DCTD: variants seen among roughly 807,000 people sequenced by gnomAD.
DCTD encodes the protein deoxycytidylate deaminase.
A neutral mutation model predicts 21.0 loss-of-function variants in DCTD; 23 were observed. The observed-to-expected ratio is 1.09, with a 90% CI of 0.79 to 1.55. DCTD has a LOEUF of 1.55. Among genes scored for constraint, DCTD ranks in the 40% most tolerant of loss-of-function variants. The probability of loss-of-function intolerance (pLI) is 0.00; values close to 1 mark genes in which losing one functional copy is unlikely to be tolerated. For synonymous variants in DCTD, 71 were observed against 81.1 expected, an observed-to-expected ratio of 0.88 and a Z score of 0.67; for missense variants, 224 against 230.0, an observed-to-expected ratio of 0.97 and a Z score of 0.17.
chr4:182,914,652 C>T (rs556296813), intron 3 of DCTD, among the ~76,000 whole-genome samples: 1 of 152,220 alleles, frequency 6.6e-6, no homozygotes, highest in Non-Finnish European at 1.5e-5. Flanking sequence ...GTGGTGCAGG[C>T]CAGCAGGTTG....
At chr4:182,897,636 A>G (rs2152856325) in intron 3 of DCTD, among the ~76,000 whole-genome samples, 1 of 152,288 alleles carries the variant, frequency 6.6e-6, no homozygotes, top group East Asian at 1.9e-4. Context: ...GACACTGACA[A>G]GCAGGAAACT....
chr4:182,917,109 G>A lies in DCTD; in HGVS notation c.-8+202C>T, dbSNP rs541432988. The A allele has an allele frequency of 3.0e-6, 3 of 987,568 alleles. No individual in the cohort carries two copies. The African/African-American group carries it at 5.2e-5, about 17-fold the overall frequency. The allele number at this position is 987,568 out of a possible 1,614,324, so 61.2% of individuals were successfully genotyped here. A position where few individuals can be genotyped will look rare whatever the true frequency, so the allele number is the denominator to read the frequency against. On this transcript the variant is annotated intron_variant, in intron 1 of 5. Transcript: ENST00000438320. This position sits in a 1 kb window ranked among gnomAD's most constrained non-coding sequence, Gnocchi z 4.9. ...CGCCCGCCGAGAAATCGACCCTGGA[G>A]TGACTGCGGGGACCCCGAGCGCCCC...
rs114636009 is a variant in DCTD at position 182,900,415 on chromosome 4, T to C, written c.245-5810A>G. ...TATTTGACAGCAATAAATGAAGGAA[T>C]AAATTTACCTTTCCCTAGAGTGCAC... On this transcript the variant is annotated intron_variant, in intron 3 of 5. Transcript: ENST00000438320. 9.7e-3 allele frequency among the ~76,000 whole-genome samples: 1,474 copies of C among 152,256 alleles called. 18 individuals carry two copies. The highest frequency in any genetic ancestry group is 0.034 in the African/African-American group (1,414 of 41,534).
chr4:182,905,776 G>A (rs1736598940), intron 3 of DCTD, among the ~76,000 whole-genome samples: 2 of 152,192 alleles, frequency 1.3e-5, no homozygotes, highest in South Asian at 4.2e-4. Context: ...ACAGCCAGTC[G>A]GGACTAATCC....
At chr4:182,900,861 T>G (rs200906336) in intron 3 of DCTD, among the ~76,000 whole-genome samples, 27,439 of 138,036 alleles carry the variant, frequency 0.2, 2,841 homozygotes, top group Non-Finnish European at 0.26. Flanking sequence ...TGCTTTGGTT[T>G]TTTTTTTTTT....
chr4:182,917,325 T>C lies in DCTD; in HGVS notation c.-22A>G. 5 of 1,091,472 alleles carry C rather than the reference T, an allele frequency of 4.6e-6. No individual in the cohort carries two copies. The highest frequency in any genetic ancestry group is 5.6e-6 in the Non-Finnish European group (5 of 899,304). The allele number at this position is 1,091,472 out of a possible 1,614,324, so 67.6% of individuals were successfully genotyped here. ...CCCCCGCCCACCATCCGGTGCCGGC[T>C]CCGCGCGCAGGCCGGTGCTCGTCCC... On this transcript the variant is annotated 5_prime_UTR_variant, in exon 1 of 6. Coordinates refer to ENST00000438320, the MANE Select transcript of DCTD (RefSeq NM_001921.3). This position sits in a 1 kb window ranked among gnomAD's most constrained non-coding sequence, Gnocchi z 4.9.
At position 182,891,491 on chromosome 4, in the gene DCTD, C is replaced by A. The variant is rs375880033; in HGVS notation, c.459-14G>T. ...GGTATGAATTTCCTAAAAATAAAAA[C>A]AAAATACAATTATTATCTGGTGAGT... On this transcript the variant is annotated splice_polypyrimidine_tract_variant and intron_variant, in intron 5 of 5. Coordinates refer to ENST00000438320, the MANE Select transcript of DCTD (RefSeq NM_001921.3). The A allele has an allele frequency of 5.7e-6, 9 of 1,573,100 alleles. No individual in the cohort carries two copies. In the South Asian group the frequency reaches 1.0e-4, roughly 17 times the overall value.
chr4:182,893,017 T>G lies in DCTD; in HGVS notation c.458+14A>C. Reference sequence around the variant, plus strand: ...ACCCTACCCCGTCCCCCCGCCCGCATTCTCCCCACTTACCGGAATGTCACC... The same window carrying G: ...ACCCTACCCCGTCCCCCCGCCCGCAGTCTCCCCACTTACCGGAATGTCACC... On this transcript the variant is annotated intron_variant, in intron 5 of 5. Transcript: ENST00000438320. The G allele has an allele frequency of 4.6e-6, 7 of 1,522,494 alleles. No individual in the cohort carries two copies. The highest frequency in any genetic ancestry group is 1.1e-5 in the South Asian group (1 of 88,916). 94.3% of individuals were successfully genotyped at this position (1,522,494 alleles called of 1,614,324 possible).
At chr4:182,903,035 T>C (rs1736025730) in intron 3 of DCTD, among the ~76,000 whole-genome samples, 2 of 152,184 alleles carry the variant, frequency 1.3e-5, no homozygotes, top group Admixed American at 1.3e-4. Flanking sequence ...TAATACCCTG[T>C]TCAAGTTCCA....
At chr4:182,891,592 C>T in intron 5 of DCTD, 115 bp from the exon 6 acceptor site, 1 of 721,214 alleles carries the variant, frequency 1.4e-6, no homozygotes, top group Non-Finnish European at 2.4e-6. Flanking sequence ...GATTCACTTG[C>T]TATTTTCTCT....
chr4:182,893,639 C>A (rs1043830419), intron 4 of DCTD, among the ~76,000 whole-genome samples: 8 of 152,270 alleles, frequency 5.3e-5, no homozygotes, highest in African/African-American at 1.9e-4. Flanking sequence ...AAGGGCCCCG[C>A]ACTGAAGGCC....
At chr4:182,913,508 G>A (rs963641309) in intron 3 of DCTD, among the ~76,000 whole-genome samples, 1 of 152,180 alleles carries the variant, frequency 6.6e-6, no homozygotes, top group African/African-American at 2.4e-5. Context: ...TGAGGTCCAG[G>A]AACATTAGTA....
chr4:182,903,006 G>A (rs766601449), intron 3 of DCTD, among the ~76,000 whole-genome samples: 1 of 152,202 alleles, frequency 6.6e-6, no homozygotes, highest in Non-Finnish European at 1.5e-5. Context: ...TTAAATCCTA[G>A]GATGTGCCTA....
intron 3 of DCTD, among the ~76,000 whole-genome samples, chr4:182,895,777 A>G (rs2152855453): frequency 6.6e-6 from 1 of 152,314 alleles, no homozygotes; most frequent in East Asian, 1.9e-4. Context: ...TGATATCAGA[A>G]CACCCTTAGG....
intron 3 of DCTD, among the ~76,000 whole-genome samples, chr4:182,903,767 T>C (rs911744020): frequency 6.6e-6 from 1 of 152,112 alleles, no homozygotes; most frequent in South Asian, 2.1e-4. Flanking sequence ...CTCAGGGGTC[T>C]TGGAGACCCC....
At chr4:182,909,990 C>T (rs1289208760) in intron 3 of DCTD, among the ~76,000 whole-genome samples, 2 of 152,342 alleles carry the variant, frequency 1.3e-5, no homozygotes, top group East Asian at 3.9e-4. Flanking sequence ...TCCTTCCCAG[C>T]ATTACATCCT....
intron 3 of DCTD, among the ~76,000 whole-genome samples, chr4:182,911,708 G>A (rs901336892): frequency 1.9e-4 from 29 of 152,152 alleles, no homozygotes; most frequent in African/African-American, 6.5e-4. Flanking sequence ...CACTACTAAG[G>A]TATTGCAAGG....
chr4:182,908,359 T>C (rs1183620902), intron 3 of DCTD, among the ~76,000 whole-genome samples: 1 of 152,090 alleles, frequency 6.6e-6, no homozygotes, highest in Non-Finnish European at 1.5e-5. Flanking sequence ...ATCCCTGTGT[T>C]TCTAAGCAAA....
chr4:182,892,042 A>T (rs754406284), intron 5 of DCTD, among the ~76,000 whole-genome samples: 3 of 152,070 alleles, frequency 2.0e-5, no homozygotes, highest in Non-Finnish European at 4.4e-5. Flanking sequence ...TTTGGGAACA[A>T]AACAAATTCT....
Sources: gnomAD v4.1 joint callset for allele counts (sites outside exome capture counted in the v4.1 genomes callset) on GRCh38, gnomAD v4.1.1 for gene constraint, Gnocchi (gnomAD v3.1) non-coding constraint, MANE v1.5 for transcripts, NCBI Gene and HGNC (gene_info 2026-07-23, HGNC 2026-07-21) for gene names.